DAB1: variants seen among roughly 807,000 people sequenced by gnomAD.
DAB1 encodes disabled homolog 1.
A neutral mutation model predicts 64.6 loss-of-function variants in DAB1; 15 were observed. The ratio of observed to expected loss-of-function variants is 0.23; its 90% CI spans 0.16 to 0.36. DAB1 has a LOEUF of 0.36. DAB1 is among the 10% of genes least tolerant of loss of function. The pLI is 1.00. For missense variants in DAB1, 596 were observed against 706.7 expected (o/e 0.84, Z 1.78); for synonymous variants, 235 against 251.9 (o/e 0.93, Z 0.64).
chr1:57,719,658 G>A (rs1243611373), intron 6 of DAB1, among the ~76,000 whole-genome samples: 1 of 152,154 alleles, frequency 6.6e-6, no homozygotes, highest in East Asian at 1.9e-4. Flanking sequence ...TGTAAAGAAG[G>A]TGCTTGCTTC....
intron 5 of DAB1, among the ~76,000 whole-genome samples, chr1:58,008,353 CACA>C (rs1039383976): frequency 1.2e-4 from 18 of 151,976 alleles, no homozygotes; most frequent in Non-Finnish European, 2.2e-4. Context: ...TGGGCCAAAA[CACA>C]ACAACATAAA....
At position 57,865,439 on chromosome 1, in the gene DAB1, C is replaced by G. The variant is rs561215023; in HGVS notation, n.87+18560G>C. Among the ~76,000 whole-genome samples, 4 of 152,188 alleles carry G rather than the reference C, an allele frequency of 2.6e-5. No individual in the cohort carries two copies. The East Asian group carries it at 5.8e-4, about 22-fold the overall frequency. Reference sequence around the variant, plus strand: ...ATGAAATTTAACACAGCCCACTGGGCCCTAAATATGTTGGTCTCCCTGAGC... The same window carrying G: ...ATGAAATTTAACACAGCCCACTGGGGCCTAAATATGTTGGTCTCCCTGAGC... On this transcript the variant is annotated intron_variant and non_coding_transcript_variant, in intron 1 of 1. Transcript: ENST00000477280.
At chr1:57,596,673 A>G (rs996242136) in intron 7 of DAB1, among the ~76,000 whole-genome samples, 2 of 152,132 alleles carry the variant, frequency 1.3e-5, no homozygotes, top group Non-Finnish European at 2.9e-5. Context: ...GAAGGAAGAA[A>G]AAAATGAAGA....
In DAB1 at chr1:58,197,761, C is replaced by T. The variant is rs886313933; in HGVS notation, n.310-47173G>A. On this transcript the variant is annotated intron_variant and non_coding_transcript_variant, in intron 4 of 20. Coordinates refer to the DAB1 transcript ENST00000485760. Reference sequence around the variant, plus strand: ...CATACAAGAAAAGCATGATCAAGACCCTAGCAAAATTCAAAACTACATTTC... The same window carrying T: ...CATACAAGAAAAGCATGATCAAGACTCTAGCAAAATTCAAAACTACATTTC... Among the ~76,000 whole-genome samples, 4 of 150,100 alleles carry T rather than the reference C, an allele frequency of 2.7e-5. No homozygotes were observed. The South Asian group carries it at 6.3e-4, about 24-fold the overall frequency.
chr1:58,176,001 C>G (rs990756607), intron 4 of DAB1, among the ~76,000 whole-genome samples: 1 of 152,200 alleles, frequency 6.6e-6, no homozygotes. Flanking sequence ...TAGCACTGGG[C>G]TCACACTCCA....
At chr1:57,624,299 A>T (rs953997671) in intron 7 of DAB1, among the ~76,000 whole-genome samples, 12 of 152,174 alleles carry the variant, frequency 7.9e-5, no homozygotes, top group African/African-American at 2.4e-4. Flanking sequence ...TTGGTGTCAC[A>T]TGACACCAGG....
chr1:58,275,679 A>G (rs1324452831), intron 4 of DAB1, among the ~76,000 whole-genome samples: 2 of 152,198 alleles, frequency 1.3e-5, no homozygotes, highest in African/African-American at 4.8e-5. Flanking sequence ...TTTAAAAAGA[A>G]AGAAAATAAC....
At chr1:57,652,630 CCT>C (rs1646270350) in intron 6 of DAB1, among the ~76,000 whole-genome samples, 2 of 151,972 alleles carry the variant, frequency 1.3e-5, no homozygotes, top group African/African-American at 4.8e-5. Flanking sequence ...AGAAACGTCC[CCT>C]CTTTCATTTC....
At chr1:57,319,188 T>A (rs529626207) in intron 1 of DAB1, among the ~76,000 whole-genome samples, 34 of 152,256 alleles carry the variant, frequency 2.2e-4, no homozygotes, top group African/African-American at 7.0e-4. Context: ...TGTGTGCTAC[T>A]CCCCTTCTCT....
At chr1:58,031,898 C>T (rs891244120) in intron 5 of DAB1, among the ~76,000 whole-genome samples, 1 of 151,776 alleles carries the variant, frequency 6.6e-6, no homozygotes, top group African/African-American at 2.4e-5. Context: ...CGGTGTTTCC[C>T]TTCTATACCC....
chr1:58,120,723 T>A (rs751509915), intron 5 of DAB1, among the ~76,000 whole-genome samples: 28 of 152,172 alleles, frequency 1.8e-4, no homozygotes, highest in Non-Finnish European at 3.8e-4. Context: ...CTGAAATCAA[T>A]GAAGAAGAAC....
chr1:57,441,773 A>G (rs569131561), intron 7 of DAB1, among the ~76,000 whole-genome samples: 2 of 152,326 alleles, frequency 1.3e-5, no homozygotes, highest in South Asian at 2.1e-4. Flanking sequence ...TCTTTTTGGT[A>G]GAACAATTTA....
At chr1:57,768,571 T>C (rs1649423043) in intron 6 of DAB1, among the ~76,000 whole-genome samples, 2 of 149,954 alleles carry the variant, frequency 1.3e-5, no homozygotes, top group East Asian at 1.9e-4. Flanking sequence ...ATATATATAT[T>C]ATCTATATAT....
intron 2 of DAB1, among the ~76,000 whole-genome samples, chr1:57,186,653 G>A (rs535085512): frequency 3.3e-5 from 5 of 152,162 alleles, no homozygotes; most frequent in Admixed American, 6.5e-5. Flanking sequence ...TGAAATGCAC[G>A]CGTCAGCATT....
At chr1:57,576,417 T>C (rs925993364) in intron 7 of DAB1, among the ~76,000 whole-genome samples, 4 of 152,182 alleles carry the variant, frequency 2.6e-5, no homozygotes, top group East Asian at 1.9e-4. Context: ...GGGCCATTAA[T>C]CCAATATGAC....
chr1:58,306,026 G>A (rs1232173268), intron 4 of DAB1, among the ~76,000 whole-genome samples: 1 of 151,620 alleles, frequency 6.6e-6, no homozygotes, highest in East Asian at 1.9e-4. Flanking sequence ...CCTATGAAGG[G>A]AAGAATCAGC....
chr1:57,677,666 C>CT (rs1646584124), intron 6 of DAB1, among the ~76,000 whole-genome samples: 1 of 152,266 alleles, frequency 6.6e-6, no homozygotes, highest in Admixed American at 6.5e-5. Context: ...GAACGACCAA[C>CT]TGATAATTAG....
intron 7 of DAB1, among the ~76,000 whole-genome samples, chr1:57,499,225 C>T (rs572526920): frequency 2.6e-5 from 4 of 152,178 alleles, no homozygotes; most frequent in South Asian, 2.1e-4. Context: ...CCGCCTGCCT[C>T]GGCCTCCCAA....
At chr1:57,729,773 C>A (rs1393582920) in intron 6 of DAB1, among the ~76,000 whole-genome samples, 1 of 152,156 alleles carries the variant, frequency 6.6e-6, no homozygotes, top group African/African-American at 2.4e-5. Context: ...TATATAAGAA[C>A]CTTATGTCCA....
Sources: allele counts gnomAD v4.1 joint callset (sites outside exome capture counted in the v4.1 genomes callset), GRCh38; gene constraint gnomAD v4.1.1; transcripts MANE v1.5; gene names NCBI Gene and HGNC (gene_info 2026-07-23, HGNC 2026-07-21).